The following IFRD1 variants were observed in gnomAD, a reference collection of about 807,000 sequenced individuals.
The protein encoded by IFRD1 is interferon related developmental regulator 1.
In IFRD1, 35 loss-of-function variants were observed where a neutral mutation model predicts 52.9. That is an observed-to-expected ratio of 0.66 (90% CI 0.51 to 0.88). IFRD1 has a LOEUF of 0.88. Ranked by LOEUF, IFRD1 falls within the 40% of genes least tolerant of loss-of-function variation. The probability of loss-of-function intolerance (pLI) is 0.00; values close to 1 mark genes in which losing one functional copy is unlikely to be tolerated. For missense variants in IFRD1, 517 were observed against 550.8 expected (o/e 0.94, Z 0.61); for synonymous variants, 184 against 188.4 (o/e 0.98, Z 0.19).
intron 1 of IFRD1, among the ~76,000 whole-genome samples, chr7:112,427,583 A>G (rs1274358686): frequency 1.3e-5 from 2 of 152,232 alleles, no homozygotes; most frequent in Admixed American, 1.3e-4. Flanking sequence ...ACGTAACTTG[A>G]TGATAAGTAG....
At chr7:112,465,838 G>T (rs3807210) in intron 8 of IFRD1, among the ~76,000 whole-genome samples, 24,816 of 151,972 alleles carry the variant, frequency 0.16, 2,162 homozygotes, top group South Asian at 0.3. Context: ...TTTTTAAAAA[G>T]GTGAGTTCTA....
At chr7:112,423,860 C>G (rs1407557358) in intron 1 of IFRD1, among the ~76,000 whole-genome samples, 1 of 152,148 alleles carries the variant, frequency 6.6e-6, no homozygotes, top group Non-Finnish European at 1.5e-5. Context: ...TCATGTACAT[C>G]TGGATTCTTC....
At chr7:112,430,951 G>A (rs1794534163) in intron 1 of IFRD1, among the ~76,000 whole-genome samples, 1 of 152,200 alleles carries the variant, frequency 6.6e-6, no homozygotes, top group African/African-American at 2.4e-5. Context: ...GAGAGTGGAA[G>A]GACCATTCCT....
chr7:112,444,166 A>G (rs1409759033), intron 1 of IFRD1, among the ~76,000 whole-genome samples: 1 of 152,216 alleles, frequency 6.6e-6, no homozygotes, highest in Non-Finnish European at 1.5e-5. Flanking sequence ...GTACCCTGTT[A>G]ACACAGTCTC....
intron 3 of IFRD1, among the ~76,000 whole-genome samples, chr7:112,456,594 T>C (rs1795297774): frequency 6.6e-6 from 1 of 152,190 alleles, no homozygotes; most frequent in South Asian, 2.1e-4. Context: ...GTAAATTTAC[T>C]TAAATATGTA....
chr7:112,447,649 T>C (rs1182627894), upstream of IFRD1, among the ~76,000 whole-genome samples: 1 of 152,216 alleles, frequency 6.6e-6, no homozygotes, highest in Non-Finnish European at 1.5e-5. Context: ...TTCCCTTTCG[T>C]GCTTCCCCTT....
intron 1 of IFRD1, among the ~76,000 whole-genome samples, chr7:112,428,287 A>G (rs1794470445): frequency 6.6e-6 from 1 of 152,142 alleles, no homozygotes; most frequent in Non-Finnish European, 1.5e-5. Flanking sequence ...AGCTTTAATG[A>G]AGAGTATTAA....
chr7:112,465,505 G>A (rs931006479), intron 8 of IFRD1, among the ~76,000 whole-genome samples: 29 of 152,146 alleles, frequency 1.9e-4, no homozygotes, highest in African/African-American at 6.5e-4. Flanking sequence ...TTTATATTGT[G>A]TTAGATTCTG....
chr7:112,463,848 T>TTA (rs1339800128), intron 8 of IFRD1, among the ~76,000 whole-genome samples: 12 of 34,416 alleles, frequency 3.5e-4, no homozygotes, highest in Admixed American at 2.1e-3. Flanking sequence ...ATATACACAT[T>TTA]TATATACACA....
At chr7:112,467,075 G>A (rs1795626351) in intron 8 of IFRD1, among the ~76,000 whole-genome samples, 1 of 152,154 alleles carries the variant, frequency 6.6e-6, no homozygotes, top group South Asian at 2.1e-4. Context: ...TTAATTTCAA[G>A]CTTATTTTCC....
chr7:112,475,787 G>A lies in IFRD1; in HGVS notation c.*268G>A, dbSNP rs1795886231. Reference sequence around the variant, plus strand: ...GACAGCAAAAGACTGATTTCATGATGGGGAAAACAATTAGCCAAAGTTTAA... The same window carrying A: ...GACAGCAAAAGACTGATTTCATGATAGGGAAAACAATTAGCCAAAGTTTAA... On this transcript the variant is annotated 3_prime_UTR_variant, in exon 12 of 12. Transcript: ENST00000403825. 2.7e-6 allele frequency: 1 copy of A among 376,610 alleles called. No individual in the cohort carries two copies. The highest frequency in any genetic ancestry group is 4.4e-5 in the Admixed American group (1 of 22,924). 23.3% of individuals were successfully genotyped at this position (376,610 alleles called of 1,614,324 possible).
At chr7:112,441,534 A>G (rs900434433) in intron 1 of IFRD1, among the ~76,000 whole-genome samples, 9 of 152,076 alleles carry the variant, frequency 5.9e-5, no homozygotes, top group African/African-American at 2.2e-4. Context: ...GTGGAAGCTC[A>G]TGACGAGATG....
rs1795878579 is a variant in IFRD1, at chr7:112,475,507, A to G, written c.1344A>G (p.Gly448=). The change falls in exon 12 of 12, where the codon GGA becomes GGG. Residue 448 remains glycine (G), a synonymous_variant. Coordinates refer to ENST00000403825, the MANE Select transcript of IFRD1 (RefSeq NM_001550.4). The part of the protein sequence containing the change: ...SKCRDKRADV[G]EFF ...GTCGAGATAAGAGAGCAGATGTTGG[A>G]GAATTCTTCTAGATTTTCAGAACTT... The G allele has an allele frequency of 1.0e-5, 16 of 1,600,336 alleles. No homozygotes were observed. Among genetic ancestry groups the G allele is most frequent in the Non-Finnish European group, 1.3e-5 (15 of 1,168,304 alleles).
chr7:112,427,225 T>C (rs1264601454), intron 1 of IFRD1, among the ~76,000 whole-genome samples: 2 of 152,212 alleles, frequency 1.3e-5, no homozygotes, highest in Non-Finnish European at 2.9e-5. Flanking sequence ...ATGACATTAA[T>C]CAATTTATTA....
At chr7:112,445,160 G>A (rs1011333640) in intron 1 of IFRD1, among the ~76,000 whole-genome samples, 18 of 146,028 alleles carry the variant, frequency 1.2e-4, no homozygotes, top group South Asian at 2.2e-4. Context: ...TCCGCTTCCC[G>A]AGTTCATGCC....
intron 1 of IFRD1, among the ~76,000 whole-genome samples, chr7:112,455,208 G>A (rs566886075): frequency 6.6e-6 from 1 of 152,028 alleles, no homozygotes; most frequent in Admixed American, 6.6e-5. Flanking sequence ...CGTCGGCTGG[G>A]CTCAGTGGCT....
chr7:112,469,701 G>A (rs1056600407), intron 9 of IFRD1, among the ~76,000 whole-genome samples: 25 of 152,258 alleles, frequency 1.6e-4, no homozygotes, highest in African/African-American at 6.0e-4. Context: ...AACCGGGCCA[G>A]CCATAGCACT....
intron 1 of IFRD1, among the ~76,000 whole-genome samples, chr7:112,453,897 A>G (rs1795224574): frequency 6.6e-6 from 1 of 152,186 alleles, no homozygotes; most frequent in Admixed American, 6.5e-5. Context: ...CAACAGTAAC[A>G]GGCTTAAATT....
intron 1 of IFRD1, among the ~76,000 whole-genome samples, chr7:112,427,738 A>G (rs1038827254): frequency 1.2e-4 from 18 of 152,236 alleles, no homozygotes; most frequent in African/African-American, 4.3e-4. Flanking sequence ...ATCACAGAGA[A>G]TAACTCATGT....
Sources: gnomAD v4.1 joint callset for allele counts (sites outside exome capture counted in the v4.1 genomes callset) on GRCh38, gnomAD v4.1.1 for gene constraint, MANE v1.5 for transcripts, NCBI Gene and HGNC (gene_info 2026-07-23, HGNC 2026-07-21) for gene names.